WIPF2: variants seen among roughly 807,000 people sequenced by gnomAD.
WIPF2 encodes WAS/WASL-interacting protein family member 2.
A neutral mutation model predicts 38.8 loss-of-function variants in WIPF2; 23 were observed. The ratio of observed to expected loss-of-function variants is 0.59; its 90% CI spans 0.43 to 0.84. The LOEUF is 0.84. Among genes scored for constraint, WIPF2 ranks in the 40% least tolerant of loss-of-function variants. The probability of loss-of-function intolerance (pLI) is 0.00; values close to 1 mark genes in which losing one functional copy is unlikely to be tolerated. For missense variants in WIPF2, 574 were observed against 580.5 expected, an observed-to-expected ratio of 0.99 and a Z score of 0.11; for synonymous variants, 210 against 223.2, an observed-to-expected ratio of 0.94 and a Z score of 0.53.
intron 1 of WIPF2, among the ~76,000 whole-genome samples, chr17:40,227,113 C>T (rs925991408): frequency 2.0e-5 from 3 of 152,018 alleles, no homozygotes; most frequent in African/African-American, 7.3e-5. Flanking sequence ...AAGATCTGGG[C>T]TCACTGCAAG....
chr17:40,226,982 C>A (rs886739319), intron 1 of WIPF2, among the ~76,000 whole-genome samples: 2 of 152,066 alleles, frequency 1.3e-5, no homozygotes, highest in Non-Finnish European at 2.9e-5. Context: ...ACCTAGTGAT[C>A]TTTCCGCCTC....
At chr17:40,226,904 A>G (rs577565819) in intron 1 of WIPF2, among the ~76,000 whole-genome samples, 6 of 151,506 alleles carry the variant, frequency 4.0e-5, no homozygotes, top group Non-Finnish European at 5.9e-5. Flanking sequence ...ACCATGCCCA[A>G]CTAATTTTTG....
At chr17:40,273,767 A>T (rs1320339423) in intron 5 of WIPF2, 23 bp from the exon 6 acceptor site, 1 of 1,554,480 alleles carries the variant, frequency 6.4e-7, no homozygotes, top group Admixed American at 1.7e-5. Context: ...TCCAAACCTA[A>T]CTACTTTGGA....
chr17:40,225,204 G>A (rs1331677283), intron 1 of WIPF2, among the ~76,000 whole-genome samples: 1 of 150,388 alleles, frequency 6.6e-6, no homozygotes, highest in East Asian at 1.9e-4. Flanking sequence ...GCCTAGCTTC[G>A]TGGGCATTGT....
intron 1 of WIPF2, among the ~76,000 whole-genome samples, chr17:40,243,881 A>G (rs2031275013): frequency 6.6e-6 from 1 of 152,104 alleles, no homozygotes; most frequent in African/African-American, 2.4e-5. Flanking sequence ...TTGTTGGATC[A>G]GTCAGATTTG....
In WIPF2 at chr17:40,278,498, G is replaced by A. The variant is rs574922443; in HGVS notation, c.*273G>A. ...CTAGCCACATGAGGAACAAGTTTCC[G>A]TGTCTTCTGCCTTCCTCTTGGGGAA... is the stretch of plus-strand genomic sequence containing the variant. On this transcript the variant is annotated 3_prime_UTR_variant, in exon 8 of 8. Transcript: ENST00000323571. 3.7e-5 allele frequency: 17 copies of A among 465,438 alleles called. No homozygotes were observed. In the South Asian group the frequency reaches 4.9e-4, roughly 13 times the overall value. The allele number at this position is 465,438 out of a possible 1,614,324, so 28.8% of individuals were successfully genotyped here.
In WIPF2 at chr17:40,262,508, A is replaced by G. The variant is rs780577025; in HGVS notation, c.197-17A>G. On this transcript the variant is annotated splice_polypyrimidine_tract_variant and intron_variant, in intron 3 of 7. Coordinates refer to ENST00000323571, the MANE Select transcript of WIPF2 (RefSeq NM_133264.5). ...TGAGAGCATGTGAAATGAAAACCCT[A>G]CTGGTATGCTTTCCAGAGCCGAAAG... 1.2e-6 allele frequency: 2 copies of G among 1,605,072 alleles called. No individual in the cohort carries two copies. The highest frequency in any genetic ancestry group is 3.3e-5 in the Admixed American group (2 of 59,908).
chr17:40,256,718 T>C (rs1199004225), intron 2 of WIPF2, among the ~76,000 whole-genome samples, 196 bp downstream of exon 2: 1 of 152,190 alleles, frequency 6.6e-6, no homozygotes, highest in African/African-American at 2.4e-5. Context: ...TAGGGCTTCC[T>C]TGTACAAGAC....
chr17:40,223,665 T>A (rs2030350996), intron 1 of WIPF2, among the ~76,000 whole-genome samples: 1 of 149,182 alleles, frequency 6.7e-6, no homozygotes, highest in Admixed American at 6.7e-5. Context: ...AATGGCATGA[T>A]CTCTGCTCAC....
intron 1 of WIPF2, among the ~76,000 whole-genome samples, chr17:40,228,261 C>T (rs529181410): frequency 5.9e-5 from 9 of 151,426 alleles, no homozygotes; most frequent in South Asian, 4.2e-4. Flanking sequence ...GTGATCCGCC[C>T]GCCTCGGCCT....
At chr17:40,242,314 C>T (rs1419464159) in intron 1 of WIPF2, among the ~76,000 whole-genome samples, 8 of 152,116 alleles carry the variant, frequency 5.3e-5, no homozygotes, top group Non-Finnish European at 1.0e-4. Flanking sequence ...CTGCAGTGAG[C>T]TGTGATTGTG....
chr17:40,234,003 C>A (rs901325536), intron 1 of WIPF2, among the ~76,000 whole-genome samples: 1 of 151,094 alleles, frequency 6.6e-6, no homozygotes, highest in African/African-American at 2.4e-5. Context: ...ACAGAGGTTG[C>A]GGTGAGCTGA....
At chr17:40,220,724 T>C (rs1304739047) in intron 1 of WIPF2, among the ~76,000 whole-genome samples, 2 of 148,210 alleles carry the variant, frequency 1.3e-5, no homozygotes, top group African/African-American at 5.0e-5. Context: ...TGTCTCGGCC[T>C]CCGCAAGTGC....
chr17:40,244,666 C>A (rs757608243), intron 1 of WIPF2, among the ~76,000 whole-genome samples: 1 of 152,120 alleles, frequency 6.6e-6, no homozygotes, highest in Non-Finnish European at 1.5e-5. Flanking sequence ...AAGGGGACTA[C>A]TTTTGGATTT....
chr17:40,233,289 T>G (rs2030824829), intron 1 of WIPF2, among the ~76,000 whole-genome samples: 1 of 152,172 alleles, frequency 6.6e-6, no homozygotes, highest in African/African-American at 2.4e-5. Context: ...GCTTATACAG[T>G]GTTAGGGTTT....
chr17:40,266,512 A>G (rs1326612459), intron 5 of WIPF2, among the ~76,000 whole-genome samples: 1 of 152,104 alleles, frequency 6.6e-6, no homozygotes. Flanking sequence ...TGGAGGGTGA[A>G]AGTGAAAGCT....
At position 40,219,368 on chromosome 17, in the gene WIPF2, T is replaced by TGGCGGCGGCGGCGGCGGCGGC. The variant is rs60253561; in HGVS notation, c.-183_-163dup. 24 of 379,688 alleles carry TGGCGGCGGCGGCGGCGGCGGC rather than the reference T, an allele frequency of 6.3e-5. No homozygotes were observed. Among genetic ancestry groups the TGGCGGCGGCGGCGGCGGCGGC allele is most frequent in the African/African-American group, 3.3e-4 (14 of 42,738 alleles). 23.5% of individuals were successfully genotyped at this position (379,688 alleles called of 1,614,324 possible). ...ATTTCCGGGTTGGCAAAAGGGGCGGTGGCGGCGGCGGCGGCGGCGGCGGCG... is the reference window on the plus strand; with the variant it reads ...ATTTCCGGGTTGGCAAAAGGGGCGGTGGCGGCGGCGGCGGCGGCGGCGGCGGCGGCGGCGGCGGCGGCGGCG... On this transcript the variant is annotated 5_prime_UTR_variant, in exon 1 of 8. Coordinates refer to ENST00000323571, the MANE Select transcript of WIPF2 (RefSeq NM_133264.5).
intron 1 of WIPF2, among the ~76,000 whole-genome samples, chr17:40,239,912 G>T (rs2031127410): frequency 6.6e-6 from 1 of 151,666 alleles, no homozygotes; most frequent in Non-Finnish European, 1.5e-5. Context: ...GGCCAGGCTG[G>T]TCTTGAACTC....
chr17:40,279,798 C>T lies in WIPF2; in HGVS notation c.*1573C>T, dbSNP rs970304515. 2.7e-5 allele frequency: 4 copies of T among 146,194 alleles called. No homozygotes were observed. The highest frequency in any genetic ancestry group is 1.0e-4 in the African/African-American group (4 of 38,394). 9.1% of individuals were successfully genotyped at this position (146,194 alleles called of 1,614,324 possible). A position where few individuals can be genotyped will look rare whatever the true frequency, so the allele number is the denominator to read the frequency against. On this transcript the variant is annotated 3_prime_UTR_variant, in exon 8 of 8. Coordinates refer to ENST00000323571, the MANE Select transcript of WIPF2 (RefSeq NM_133264.5). ...GAAAATTAGCTTAAAAATTTAATCA[C>T]GAGATTGCGCCACTGCACTCCAGCC...
Sources: gnomAD v4.1 joint callset for allele counts (sites outside exome capture counted in the v4.1 genomes callset) on GRCh38, gnomAD v4.1.1 for gene constraint, MANE v1.5 for transcripts, NCBI Gene and HGNC (gene_info 2026-07-23, HGNC 2026-07-21) for gene names.